Variants in ARHGAP24 observed in about 807,000 individuals in gnomAD.
The protein encoded by ARHGAP24 is Rho GTPase activating protein 24, also known as rho GTPase-activating protein 24.
In ARHGAP24, 50 loss-of-function variants were observed where a neutral mutation model predicts 76.4. The observed-to-expected ratio is 0.65, with a 90% CI of 0.52 to 0.83. ARHGAP24 has a LOEUF of 0.83. Ranked by LOEUF, ARHGAP24 falls within the 40% of genes least tolerant of loss-of-function variation. The pLI, the probability that ARHGAP24 is intolerant of heterozygous loss-of-function variation, is 0.00. For synonymous variants in ARHGAP24, 345 were observed against 323.3 expected (o/e 1.07, Z -0.72); for missense variants, 930 against 914.2 (o/e 1.02, Z -0.22).
chr4:85,634,143 A>C (rs1721241160), intron 2 of ARHGAP24, among the ~76,000 whole-genome samples: 1 of 151,864 alleles, frequency 6.6e-6, no homozygotes, highest in Non-Finnish European at 1.5e-5. Context: ...TCAATCAGTG[A>C]ATGTTATATA....
chr4:85,907,269 G>A (rs148764023), intron 3 of ARHGAP24, among the ~76,000 whole-genome samples: 2 of 152,082 alleles, frequency 1.3e-5, no homozygotes, highest in African/African-American at 4.8e-5. Flanking sequence ...TCCTGTAACT[G>A]CCAACTTAAA....
intron 8 of ARHGAP24, among the ~76,000 whole-genome samples, chr4:85,978,248 T>C (rs539793640): frequency 1.3e-5 from 2 of 152,304 alleles, no homozygotes; most frequent in East Asian, 3.9e-4. Context: ...AATAGCAACA[T>C]TGTTTGCTAC....
intron 8 of ARHGAP24, 107 bp downstream of exon 8, chr4:85,977,798 T>C: frequency 7.6e-7 from 1 of 1,321,694 alleles, no homozygotes; most frequent in East Asian, 2.4e-5. Flanking sequence ...AGTGAATACA[T>C]GGCAACTCCG....
intron 5 of ARHGAP24, among the ~76,000 whole-genome samples, chr4:85,945,263 C>T (rs1175485687): frequency 5.3e-5 from 8 of 152,106 alleles, no homozygotes; most frequent in Admixed American, 5.2e-4. Flanking sequence ...ATGCCTCAGC[C>T]TCCCGAGTAG....
intron 2 of ARHGAP24, among the ~76,000 whole-genome samples, chr4:85,696,315 A>C (rs988610597): frequency 6.6e-6 from 1 of 152,208 alleles, no homozygotes; most frequent in African/African-American, 2.4e-5. Context: ...CCTAAAAGTA[A>C]ATACATATTG....
chr4:85,897,077 C>A (rs906591705), intron 3 of ARHGAP24, among the ~76,000 whole-genome samples: 1 of 152,154 alleles, frequency 6.6e-6, no homozygotes, highest in Non-Finnish European at 1.5e-5. Flanking sequence ...CATGGGCCTT[C>A]TTTCTTTGTC....
intron 3 of ARHGAP24, among the ~76,000 whole-genome samples, chr4:85,834,171 G>A (rs1053209394): frequency 1.1e-4 from 16 of 152,218 alleles, no homozygotes; most frequent in Non-Finnish European, 5.9e-5. Flanking sequence ...AAAGTTGGGG[G>A]AAGTTATCAG....
chr4:85,714,638 T>C (rs72974958), intron 2 of ARHGAP24, among the ~76,000 whole-genome samples: 1,580 of 152,250 alleles, frequency 0.01, 32 homozygotes, highest in African/African-American at 0.036. Flanking sequence ...TGTACGGCTT[T>C]ATTGATAGTA....
At chr4:85,515,980 A>C (rs1470285173) in intron 1 of ARHGAP24, among the ~76,000 whole-genome samples, 5 of 152,166 alleles carry the variant, frequency 3.3e-5, no homozygotes, top group African/African-American at 1.2e-4. Flanking sequence ...ATATGTGTAC[A>C]GCAGGACCTG....
intron 9 of ARHGAP24, among the ~76,000 whole-genome samples, chr4:85,996,373 T>C (rs1326368128): frequency 6.6e-6 from 1 of 152,204 alleles, no homozygotes; most frequent in Non-Finnish European, 1.5e-5. Flanking sequence ...TGCTAAAACC[T>C]AATTATATCA....
intron 3 of ARHGAP24, among the ~76,000 whole-genome samples, chr4:85,860,295 G>C (rs551529955): frequency 6.6e-6 from 1 of 152,012 alleles, no homozygotes; most frequent in African/African-American, 2.4e-5. Flanking sequence ...GGTGCCCCAC[G>C]AGGGCTCACT....
intron 3 of ARHGAP24, among the ~76,000 whole-genome samples, chr4:85,791,509 A>G (rs1272896494): frequency 6.6e-6 from 1 of 152,188 alleles, no homozygotes; most frequent in African/African-American, 2.4e-5. Context: ...GAGTTATATC[A>G]ATTATATCTC....
chr4:85,630,571 A>T (rs1404539304), intron 2 of ARHGAP24, among the ~76,000 whole-genome samples: 1 of 152,186 alleles, frequency 6.6e-6, no homozygotes, highest in Non-Finnish European at 1.5e-5. Flanking sequence ...AAGGGCTTAC[A>T]GCTGGAGTCT....
At chr4:85,611,073 A>G (rs1195249448) in intron 2 of ARHGAP24, among the ~76,000 whole-genome samples, 1 of 152,232 alleles carries the variant, frequency 6.6e-6, no homozygotes, top group East Asian at 1.9e-4. Context: ...ATAATAAAAA[A>G]TAAGTTTTAT....
At chr4:85,573,121 C>T (rs895818337) in intron 2 of ARHGAP24, among the ~76,000 whole-genome samples, 1 of 152,142 alleles carries the variant, frequency 6.6e-6, no homozygotes, top group African/African-American at 2.4e-5. Context: ...AGATGATCCA[C>T]CTGCCTCAGC....
chr4:85,971,957 T>C (rs1739009841), intron 5 of ARHGAP24, 79 bp from the exon 6 acceptor site: 2 of 1,604,146 alleles, frequency 1.2e-6, no homozygotes, highest in Non-Finnish European at 1.7e-6. Flanking sequence ...GAATTCTGAC[T>C]CCTGGGCTCT....
chr4:85,964,935 T>A (rs1304579309), intron 5 of ARHGAP24, among the ~76,000 whole-genome samples: 1 of 152,090 alleles, frequency 6.6e-6, no homozygotes, highest in African/African-American at 2.4e-5. Flanking sequence ...TATTAAACTG[T>A]CAAATATTCT....
chr4:85,787,989 GC>G (rs1293753752), intron 3 of ARHGAP24, among the ~76,000 whole-genome samples: 2 of 152,138 alleles, frequency 1.3e-5, no homozygotes, highest in Non-Finnish European at 2.9e-5. Flanking sequence ...GTCCAAAACA[GC>G]CTCCCAGGTT....
chr4:86,000,807 T>A lies in ARHGAP24; in HGVS notation c.*85T>A. The A allele has an allele frequency of 6.3e-7, 1 of 1,576,340 alleles. No homozygotes were observed. The highest frequency in any genetic ancestry group is 8.7e-7 in the Non-Finnish European group (1 of 1,150,772). ...ATATGACTTAGAACCAGGTGGCTGG[T>A]CACCTGGATGTACAGAAGTCTAACT... is the stretch of plus-strand genomic sequence containing the variant. On this transcript the variant is annotated 3_prime_UTR_variant, in exon 10 of 10. Coordinates refer to ENST00000395184, the MANE Select transcript of ARHGAP24 (RefSeq NM_001025616.3).
Sources: allele counts gnomAD v4.1 joint callset (sites outside exome capture counted in the v4.1 genomes callset), GRCh38; gene constraint gnomAD v4.1.1; transcripts MANE v1.5; gene names NCBI Gene and HGNC (gene_info 2026-07-23, HGNC 2026-07-21).